The following TLR6 variants were observed in gnomAD, a reference collection of about 807,000 sequenced individuals.
The protein encoded by TLR6 is toll-like receptor 6.
Under a neutral mutation model 16.1 loss-of-function variants are expected in TLR6, and 9 were observed. The ratio of observed to expected loss-of-function variants is 0.56; its 90% CI spans 0.34 to 0.98. TLR6 has a LOEUF of 0.98. TLR6 is among the 50% of genes least tolerant of loss of function. The pLI is 0.02. For synonymous variants in TLR6, 340 were observed against 338.6 expected, an observed-to-expected ratio of 1.00 and a Z score of -0.04; for missense variants, 786 against 921.0, an observed-to-expected ratio of 0.85 and a Z score of 1.90.
intron 1 of TLR6, among the ~76,000 whole-genome samples, chr4:38,846,197 A>G (rs944218677): frequency 1.3e-5 from 2 of 152,210 alleles, no homozygotes; most frequent in African/African-American, 4.8e-5. Context: ...TCTCACAAGA[A>G]GGCTTAAACA....
At chr4:38,859,738 T>C (rs777547121), upstream of TLR6, among the ~76,000 whole-genome samples, 3 of 151,740 alleles carry the variant, frequency 2.0e-5, no homozygotes, top group African/African-American at 4.8e-5. Context: ...CTAATTTTTA[T>C]ATTTTTTTGC....
intron 1 of TLR6, among the ~76,000 whole-genome samples, chr4:38,849,087 A>G (rs913604824): frequency 6.6e-6 from 1 of 152,254 alleles, no homozygotes; most frequent in Non-Finnish European, 1.5e-5. Context: ...CTCTCGGCAG[A>G]AACTCTACAA....
chr4:38,829,019 C>G, exon 2 of TLR6: 1 of 1,614,100 alleles, frequency 6.2e-7, no homozygotes, highest in South Asian at 1.1e-5. Context: ...AGCACTCAAT[C>G]CCAAGAAATT....
chr4:38,863,410 A>G, the TLR6 span, among the ~76,000 whole-genome samples: 1 of 152,180 alleles, frequency 6.6e-6, no homozygotes, highest in Non-Finnish European at 1.5e-5. Context: ...CCTTCAAACC[A>G]GGATGAAGTC....
At chr4:38,853,151 G>A (rs900336382) in intron 1 of TLR6, among the ~76,000 whole-genome samples, 1 of 147,168 alleles carries the variant, frequency 6.8e-6, no homozygotes, top group African/African-American at 2.5e-5. Context: ...AACACCGCAT[G>A]TTCTCACTCA....
intron 1 of TLR6, among the ~76,000 whole-genome samples, chr4:38,842,074 C>A (rs1336928613): frequency 1.3e-5 from 2 of 152,092 alleles, no homozygotes; most frequent in Admixed American, 1.3e-4. Flanking sequence ...CTTGGGATTG[C>A]ATCTTTCAGG....
chr4:38,848,709 T>C (rs571485508), intron 1 of TLR6, among the ~76,000 whole-genome samples: 26 of 152,048 alleles, frequency 1.7e-4, no homozygotes, highest in Admixed American at 1.6e-3. Context: ...TGAAATGAAG[T>C]GAGAAGAGAA....
At chr4:38,833,310 G>GGCCACTGCTGCC (rs2109424386) in intron 1 of TLR6, among the ~76,000 whole-genome samples, 1 of 152,330 alleles carries the variant, frequency 6.6e-6, no homozygotes, top group South Asian at 2.1e-4. Flanking sequence ...GGCAAGCCTA[G>GGCCACTGCTGCC]GCCACTGCTG....
intron 1 of TLR6, among the ~76,000 whole-genome samples, chr4:38,843,440 A>G (rs1712373928): frequency 6.6e-6 from 1 of 152,240 alleles, no homozygotes; most frequent in Admixed American, 6.5e-5. Context: ...CCATCAGGGG[A>G]TATACTGGAA....
chr4:38,859,199 A>G (rs1713141398), upstream of TLR6, among the ~76,000 whole-genome samples: 1 of 152,232 alleles, frequency 6.6e-6, no homozygotes, highest in Non-Finnish European at 1.5e-5. Flanking sequence ...CTTAGAAGAC[A>G]CCCTGTGTCC....
At position 38,828,851 on chromosome 4, in the gene TLR6, A is replaced by G. The variant is rs765051719; in HGVS notation, c.623T>C (p.Leu208Ser). The change falls in exon 2 of 2, where the codon TTA becomes TCA. Residue 208 changes from leucine (L) to serine (S), a missense_variant. Transcript: ENST00000436693. ...TGATATGTTCACTTGGATAGCGAAT[A>G]AACTAGTTGGGTGAAAAACAAGGTG... is the stretch of plus-strand genomic sequence containing the variant. The G allele has an allele frequency of 9.3e-6, 15 of 1,613,924 alleles. No individual in the cohort carries two copies. Among genetic ancestry groups the G allele is most frequent in the Non-Finnish European group, 1.3e-5 (15 of 1,179,964 alleles).
chr4:38,848,955 G>A (rs1560271247), intron 1 of TLR6, among the ~76,000 whole-genome samples: 1 of 152,108 alleles, frequency 6.6e-6, no homozygotes, highest in Non-Finnish European at 1.5e-5. Flanking sequence ...CTCCAGAAGA[G>A]CAACTCCAAG....
chr4:38,835,198 T>C (rs540294407), intron 1 of TLR6, among the ~76,000 whole-genome samples: 2 of 152,288 alleles, frequency 1.3e-5, no homozygotes, highest in East Asian at 3.9e-4. Context: ...TTTTTTTACT[T>C]ACCCAACTAT....
At chr4:38,839,909 G>A (rs148130576) in intron 1 of TLR6, among the ~76,000 whole-genome samples, 25 of 152,350 alleles carry the variant, frequency 1.6e-4, no homozygotes, top group African/African-American at 6.0e-4. Flanking sequence ...TGCCAGTGCT[G>A]AGCTAGACTT....
chr4:38,828,790 A>C (rs756934809), exon 2 of TLR6: 2 of 1,613,840 alleles, frequency 1.2e-6, no homozygotes, highest in South Asian at 2.2e-5. Context: ...CATTCAATTT[A>C]ATATTAGTCA....
downstream of TLR6, among the ~76,000 whole-genome samples, chr4:38,823,223 T>TA (rs1382973729): frequency 1.3e-5 from 2 of 152,248 alleles, no homozygotes; most frequent in Non-Finnish European, 1.5e-5. Flanking sequence ...TACCATTTTT[T>TA]ATCTTCTTTA....
At chr4:38,848,050 T>C (rs1011695806) in intron 1 of TLR6, among the ~76,000 whole-genome samples, 2 of 152,198 alleles carry the variant, frequency 1.3e-5, no homozygotes, top group African/African-American at 4.8e-5. Flanking sequence ...GGCAGACTGA[T>C]ACCTCACATG....
intron 1 of TLR6, chr4:38,843,830 C>T (rs1009611596): frequency 1.6e-4 from 25 of 152,176 alleles, no homozygotes; most frequent in African/African-American, 5.8e-4. Context: ...TGGCAGGATC[C>T]AGGAGCATCT....
downstream of TLR6, among the ~76,000 whole-genome samples, chr4:38,823,143 A>C (rs934130230): frequency 6.6e-6 from 1 of 152,170 alleles, no homozygotes; most frequent in Non-Finnish European, 1.5e-5. Context: ...TCCCTCCCAC[A>C]ACACGTGGGA....
Sources: allele counts gnomAD v4.1 joint callset (sites outside exome capture counted in the v4.1 genomes callset), GRCh38; gene constraint gnomAD v4.1.1; transcripts MANE v1.5; gene names NCBI Gene and HGNC (gene_info 2026-07-23, HGNC 2026-07-21).